CDH13: variants seen among roughly 807,000 people sequenced by gnomAD.
CDH13 encodes the protein cadherin 13.
Under a neutral mutation model 63.8 loss-of-function variants are expected in CDH13, and 24 were observed. The observed-to-expected ratio is 0.38, with a 90% confidence interval of 0.27 to 0.53. The LOEUF (loss-of-function observed/expected upper bound fraction) is 0.53, where lower values mean the gene tolerates loss of function less well. Among genes scored for constraint, CDH13 ranks in the 20% least tolerant of loss-of-function variants. The pLI, the probability that CDH13 is intolerant of heterozygous loss-of-function variation, is 0.85. For missense variants in CDH13, 1,049 were observed against 903.1 expected, an observed-to-expected ratio of 1.16 and a Z score of -2.07; for synonymous variants, 503 against 355.3, an observed-to-expected ratio of 1.42 and a Z score of -4.67.
At chr16:83,431,427 G>C (rs1418958275) in intron 6 of CDH13, among the ~76,000 whole-genome samples, 2 of 151,934 alleles carry the variant, frequency 1.3e-5, no homozygotes, top group East Asian at 3.9e-4. Context: ...AGAGGAAACA[G>C]AGCAGAAGTC....
chr16:83,152,804 A>C (rs1358170758), intron 4 of CDH13, among the ~76,000 whole-genome samples: 1 of 152,184 alleles, frequency 6.6e-6, no homozygotes, highest in Non-Finnish European at 1.5e-5. Context: ...GGCAGATATA[A>C]TTAGTTAAGA....
intron 2 of CDH13, among the ~76,000 whole-genome samples, chr16:82,899,949 C>A (rs1408275667): frequency 6.6e-6 from 1 of 151,596 alleles, no homozygotes; most frequent in African/African-American, 2.4e-5. Flanking sequence ...CCAGTTTTCC[C>A]TGTAGCTTTC....
intron 4 of CDH13, among the ~76,000 whole-genome samples, chr16:83,168,490 C>T (rs2037782705): frequency 1.3e-5 from 2 of 151,990 alleles, no homozygotes; most frequent in Non-Finnish European, 2.9e-5. Flanking sequence ...TGAATAGATA[C>T]AGAATGACAG....
At chr16:83,455,178 C>T (rs926367007) in intron 6 of CDH13, among the ~76,000 whole-genome samples, 11 of 152,174 alleles carry the variant, frequency 7.2e-5, no homozygotes, top group African/African-American at 1.4e-4. Context: ...CATGAACCCA[C>T]GTATCTCTGA....
chr16:82,804,710 T>C (rs994874267), intron 1 of CDH13, among the ~76,000 whole-genome samples: 1 of 152,176 alleles, frequency 6.6e-6, no homozygotes, highest in Non-Finnish European at 1.5e-5. Flanking sequence ...CCTTGGTATG[T>C]AGCAACTTCA....
intron 1 of CDH13, among the ~76,000 whole-genome samples, chr16:82,679,619 A>G (rs1433275240): frequency 6.6e-6 from 1 of 152,198 alleles, no homozygotes; most frequent in Non-Finnish European, 1.5e-5. Context: ...TGGTTTTGGA[A>G]TCTGTCTCTG....
chr16:83,214,920 A>G (rs2039451570), intron 4 of CDH13, among the ~76,000 whole-genome samples: 1 of 152,076 alleles, frequency 6.6e-6, no homozygotes, highest in African/African-American at 2.4e-5. Context: ...CTTGCCAGCC[A>G]CAGGGATCCA....
At chr16:83,014,338 A>C (rs1030640923) in intron 2 of CDH13, among the ~76,000 whole-genome samples, 4 of 151,398 alleles carry the variant, frequency 2.6e-5, no homozygotes, top group African/African-American at 4.9e-5. Flanking sequence ...AAAAAAAAAA[A>C]AAAAACTTAG....
At chr16:83,299,778 C>A (rs890659657) in intron 5 of CDH13, among the ~76,000 whole-genome samples, 12 of 152,172 alleles carry the variant, frequency 7.9e-5, no homozygotes, top group Admixed American at 6.5e-4. Context: ...TAAGTTATTG[C>A]AGCATAACAC....
intron 1 of CDH13, among the ~76,000 whole-genome samples, chr16:82,725,749 C>T (rs1348446410): frequency 6.6e-6 from 1 of 152,124 alleles, no homozygotes; most frequent in African/African-American, 2.4e-5. Flanking sequence ...CATCCTCATT[C>T]CTTTTGGCTC....
intron 1 of CDH13, among the ~76,000 whole-genome samples, chr16:82,852,210 T>A (rs935391825): frequency 1.3e-5 from 2 of 152,240 alleles, no homozygotes; most frequent in African/African-American, 4.8e-5. Flanking sequence ...TATTTTTCAC[T>A]GGCCTCTGGG....
At chr16:83,692,389 A>G (rs1198016983) in intron 10 of CDH13, among the ~76,000 whole-genome samples, 1 of 152,118 alleles carries the variant, frequency 6.6e-6, no homozygotes, top group Non-Finnish European at 1.5e-5. Flanking sequence ...TGCTCTTTCC[A>G]TAGCACAGAG....
chr16:83,165,301 C>T (rs185960111), intron 4 of CDH13, among the ~76,000 whole-genome samples: 69 of 152,128 alleles, frequency 4.5e-4, no homozygotes, highest in African/African-American at 1.4e-3. Flanking sequence ...ACAATGCCCA[C>T]CCCTGCCTGT....
intron 6 of CDH13, among the ~76,000 whole-genome samples, chr16:83,360,650 A>G (rs918488604): frequency 4.6e-5 from 7 of 152,062 alleles, no homozygotes; most frequent in African/African-American, 1.7e-4. Flanking sequence ...TGTTATTGCC[A>G]TTTTTATGTC....
At chr16:83,573,393 A>C (rs958384462) in intron 7 of CDH13, among the ~76,000 whole-genome samples, 1 of 152,334 alleles carries the variant, frequency 6.6e-6, no homozygotes, top group South Asian at 2.1e-4. Context: ...CCGGAATGAC[A>C]GTCTGTCAGC....
intron 1 of CDH13, among the ~76,000 whole-genome samples, chr16:82,628,091 CG>C (rs1907567888): frequency 1.3e-5 from 2 of 152,340 alleles, no homozygotes; most frequent in South Asian, 4.1e-4. Context: ...AGGAAAGCAG[CG>C]CTCCGAGGCC....
chr16:83,471,370 G>T (rs548203056), intron 6 of CDH13, among the ~76,000 whole-genome samples: 3 of 151,090 alleles, frequency 2.0e-5, no homozygotes, highest in Admixed American at 2.0e-4. Flanking sequence ...CACCCTCCGG[G>T]TTCAAATGAT....
chr16:83,460,622 A>G (rs1027359184), intron 6 of CDH13, among the ~76,000 whole-genome samples: 1 of 152,192 alleles, frequency 6.6e-6, no homozygotes, highest in Non-Finnish European at 1.5e-5. Context: ...ATAGAGTTCA[A>G]AAAAACAGGA....
chr16:82,737,778 T>A (rs1427024667), intron 1 of CDH13, among the ~76,000 whole-genome samples: 3 of 152,236 alleles, frequency 2.0e-5, no homozygotes, highest in African/African-American at 2.4e-5. Context: ...TCACTGCATT[T>A]CTTTTTTGTA....
Sources: gnomAD v4.1 joint callset for allele counts (sites outside exome capture counted in the v4.1 genomes callset) on GRCh38, gnomAD v4.1.1 for gene constraint, MANE v1.5 for transcripts, NCBI Gene and HGNC (gene_info 2026-07-23, HGNC 2026-07-21) for gene names.